Variants in USP34 observed in about 807,000 individuals in gnomAD.
USP34 encodes ubiquitin specific peptidase 34.
A neutral mutation model predicts 460.3 loss-of-function variants in USP34; 70 were observed. That is an observed-to-expected ratio of 0.15 (90% CI 0.13 to 0.19). The LOEUF (loss-of-function observed/expected upper bound fraction) is 0.19, where lower values mean the gene tolerates loss of function less well. USP34 is among the 10% of genes least tolerant of loss of function. USP34 has a pLI of 1.00. For missense variants in USP34, 3,985 were observed against 4,236.2 expected (o/e 0.94, Z 1.65); for synonymous variants, 1,647 against 1,405.3 (o/e 1.17, Z -3.85).
intron 10 of USP34, among the ~76,000 whole-genome samples, chr2:61,363,914 C>G (rs1692349693): frequency 6.6e-6 from 1 of 152,204 alleles, no homozygotes; most frequent in African/African-American, 2.4e-5. Context: ...TCACCACTAT[C>G]TGTACGCAAA....
intron 34 of USP34, among the ~76,000 whole-genome samples, chr2:61,286,103 G>A (rs1206489381): frequency 6.6e-6 from 1 of 152,110 alleles, no homozygotes; most frequent in East Asian, 1.9e-4. Context: ...AAAAATTGAT[G>A]TTTAGGCTAA....
chr2:61,388,469 A>G (rs545099296), intron 5 of USP34, among the ~76,000 whole-genome samples: 1 of 151,164 alleles, frequency 6.6e-6, no homozygotes, highest in African/African-American at 2.4e-5. Context: ...AAAAAAAAAA[A>G]AAAAAGATTG....
chr2:61,416,821 T>TGGGGGGGG (rs55720314), intron 2 of USP34: 12 of 207,116 alleles, frequency 5.8e-5, no homozygotes, highest in African/African-American at 2.0e-4. Flanking sequence ...TTTTTTTTTT[T>TGGGGGGGG]GGGGGGGGGG....
At chr2:61,383,531 C>T (rs1288474155) in intron 5 of USP34, among the ~76,000 whole-genome samples, 195 bp from the exon 6 acceptor site, 2 of 152,042 alleles carry the variant, frequency 1.3e-5, no homozygotes, top group African/African-American at 2.4e-5. Context: ...AGTAAAACCC[C>T]GTATCTACTA....
intron 15 of USP34, 93 bp downstream of exon 15, chr2:61,347,777 G>C: frequency 6.5e-7 from 1 of 1,532,860 alleles, no homozygotes; most frequent in Non-Finnish European, 8.8e-7. Context: ...CTAATGAATA[G>C]CACTAATACA....
intron 70 of USP34, chr2:61,207,637 G>A (rs997500673): frequency 6.6e-6 from 1 of 151,962 alleles, no homozygotes; most frequent in Admixed American, 6.5e-5. Context: ...ACAGTGCTTG[G>A]CACAGAGGTA....
At chr2:61,446,862 A>G (rs1424296206) in intron 1 of USP34, among the ~76,000 whole-genome samples, 1 of 151,986 alleles carries the variant, frequency 6.6e-6, no homozygotes, top group South Asian at 2.1e-4. Flanking sequence ...CCCATGCATA[A>G]TTTTATAACA....
rs116214880 is a variant in USP34, at chr2:61,270,297, C to T, written c.5434-4130G>A. 2.9e-3 allele frequency among the ~76,000 whole-genome samples: 437 copies of T among 152,258 alleles called. 1 individual carries two copies. The highest frequency in any genetic ancestry group is 4.6e-3 in the Non-Finnish European group (314 of 68,018). ...TGCCATCCGTGAATCAAAAAGTAGGCCTTCACAAGACTCCGTGAATCAAAA... is the reference window on the plus strand; with the variant it reads ...TGCCATCCGTGAATCAAAAAGTAGGTCTTCACAAGACTCCGTGAATCAAAA... On this transcript the variant is annotated intron_variant, in intron 41 of 79. Coordinates refer to ENST00000398571, the MANE Select transcript of USP34 (RefSeq NM_014709.4).
intron 67 of USP34, among the ~76,000 whole-genome samples, chr2:61,219,744 GGC>G (rs1687504370): frequency 6.6e-6 from 1 of 151,450 alleles, no homozygotes; most frequent in Non-Finnish European, 1.5e-5. Flanking sequence ...ATGACTGTAG[GGC>G]CTTCTCAGCA....
intron 70 of USP34, chr2:61,207,904 TTTA>T (rs964710275): frequency 2.0e-5 from 3 of 152,290 alleles, no homozygotes; most frequent in African/African-American, 7.2e-5. Flanking sequence ...TCTCTTATTT[TTTA>T]TTATCATTAA....
chr2:61,190,378 T>C lies in USP34; in HGVS notation c.9766A>G (p.Asn3256Asp), dbSNP rs1230756979. 3 of 1,611,400 alleles carry C rather than the reference T, an allele frequency of 1.9e-6. No homozygotes were observed. Among genetic ancestry groups the C allele is most frequent in the East Asian group, 4.5e-5 (2 of 44,866 alleles). The change falls in exon 78 of 80, where the codon AAT becomes GAT. Residue 3256 changes from asparagine to aspartate, a missense_variant. Coordinates refer to ENST00000398571, the MANE Select transcript of USP34 (RefSeq NM_014709.4). ...TTTGTAATAAGAGTGCTGATCAAATTGGCACAGTTTGCTTCAGAAAACACT... is the reference window on the plus strand; with the variant it reads ...TTTGTAATAAGAGTGCTGATCAAATCGGCACAGTTTGCTTCAGAAAACACT... ...SQVFSEANCA[N>D]LISTLITNLI...
At chr2:61,331,503 TTTTA>T (rs1342427643) in intron 19 of USP34, 132 bp from the exon 20 acceptor site, 2 of 588,022 alleles carry the variant, frequency 3.4e-6, no homozygotes, top group African/African-American at 1.9e-5. Context: ...AATATACACG[TTTTA>T]TTTATATTTG....
At position 61,293,456 on chromosome 2, in the gene USP34, G is replaced by T. The variant is rs1398959909; in HGVS notation, c.4548+8C>A. The T allele has an allele frequency of 5.0e-6, 8 of 1,604,998 alleles. No homozygotes were observed. Among genetic ancestry groups the T allele is most frequent in the Non-Finnish European group, 6.8e-6 (8 of 1,174,310 alleles). ...TGTAACTAGTTGAAACCATAAATATGCACTTACCACAGTCCATGATTCCTG... is the reference window on the plus strand; with the variant it reads ...TGTAACTAGTTGAAACCATAAATATTCACTTACCACAGTCCATGATTCCTG... On this transcript the variant is annotated splice_region_variant and intron_variant, in intron 33 of 79. Coordinates refer to ENST00000398571, the MANE Select transcript of USP34 (RefSeq NM_014709.4).
At chr2:61,375,918 TCAAA>T (rs1692786388) in intron 8 of USP34, among the ~76,000 whole-genome samples, 2 of 151,640 alleles carry the variant, frequency 1.3e-5, no homozygotes, top group Admixed American at 6.6e-5. Flanking sequence ...TCAATGAACC[TCAAA>T]CAAACGAACA....
rs1251671980 is a variant in USP34 at position 61,222,728 on chromosome 2, GC to G, written c.7750-66del. ...TGTTTTGTTTTTGAGACAGGGTTTC[GC>G]TATGTCACCCAGGCTGGGATGCAGT... On this transcript the variant is annotated intron_variant, in intron 64 of 79. Transcript: ENST00000398571. The G allele has an allele frequency of 3.4e-6, 5 of 1,468,110 alleles. No homozygotes were observed. The African/African-American group carries it at 7.0e-5, about 21-fold the overall frequency. 90.9% of individuals were successfully genotyped at this position (1,468,110 alleles called of 1,614,324 possible).
intron 51 of USP34, among the ~76,000 whole-genome samples, chr2:61,243,827 G>A (rs999008661): frequency 2.7e-5 from 4 of 149,960 alleles, no homozygotes; most frequent in Admixed American, 6.6e-5. Flanking sequence ...CCAAGATCAC[G>A]CCACTGTACC....
intron 33 of USP34, among the ~76,000 whole-genome samples, chr2:61,292,540 C>G (rs1689890260): frequency 6.6e-6 from 1 of 152,120 alleles, no homozygotes; most frequent in Non-Finnish European, 1.5e-5. Context: ...ACTGTCTTGG[C>G]CCACATGTAA....
chr2:61,369,243 T>A (rs531351904), intron 10 of USP34, among the ~76,000 whole-genome samples: 3 of 152,334 alleles, frequency 2.0e-5, no homozygotes, highest in African/African-American at 7.2e-5. Context: ...AACCTAGTAA[T>A]TCTAATTCTA....
chr2:61,214,819 CTCTTTTAGTA>C (rs2103793759), intron 67 of USP34, 125 bp from the exon 68 acceptor site: 1 of 1,113,346 alleles, frequency 9.0e-7, no homozygotes, highest in South Asian at 1.7e-5. Flanking sequence ...ACATGAACAT[CTCTTTTAGTA>C]TCTTTCTGCT....
Sources: allele counts gnomAD v4.1 joint callset (sites outside exome capture counted in the v4.1 genomes callset), GRCh38; gene constraint gnomAD v4.1.1; transcripts MANE v1.5; gene names NCBI Gene and HGNC (gene_info 2026-07-23, HGNC 2026-07-21).